OPCML: variants seen among roughly 807,000 people sequenced by gnomAD.
OPCML encodes the protein opioid-binding protein/cell adhesion molecule.
Under a neutral mutation model 37.8 loss-of-function variants are expected in OPCML, and 13 were observed. That is an observed-to-expected ratio of 0.34 (90% CI 0.22 to 0.55). OPCML has a LOEUF of 0.55. Among genes scored for constraint, OPCML ranks in the 20% least tolerant of loss-of-function variants. The probability of loss-of-function intolerance (pLI) is 0.91; values close to 1 mark genes in which losing one functional copy is unlikely to be tolerated. For synonymous variants in OPCML, 176 were observed against 168.8 expected (o/e 1.04, Z -0.33); for missense variants, 341 against 435.6 (o/e 0.78, Z 1.93).
At chr11:133,092,240 T>G (rs1460878915) in intron 1 of OPCML, among the ~76,000 whole-genome samples, 1 of 152,166 alleles carries the variant, frequency 6.6e-6, no homozygotes, top group Non-Finnish European at 1.5e-5. Context: ...CTTTGCAGCC[T>G]CCAGAATTGT....
chr11:133,319,524 C>CA (rs1474021862), intron 1 of OPCML, among the ~76,000 whole-genome samples: 134 of 152,314 alleles, frequency 8.8e-4, no homozygotes, highest in African/African-American at 3.1e-3. Context: ...AGGAAGAATA[C>CA]CCATAAATTA....
intron 2 of OPCML, among the ~76,000 whole-genome samples, chr11:132,881,179 G>A (rs1001423184): frequency 3.3e-5 from 5 of 152,198 alleles, no homozygotes; most frequent in Non-Finnish European, 7.3e-5. Flanking sequence ...ATTTAGGAGA[G>A]GATGAGATCT....
At chr11:132,873,529 A>G (rs890797760) in intron 2 of OPCML, among the ~76,000 whole-genome samples, 6 of 152,132 alleles carry the variant, frequency 3.9e-5, no homozygotes, top group South Asian at 4.1e-4. Context: ...GAGGCACCCA[A>G]TGGGTGCTAG....
intron 1 of OPCML, among the ~76,000 whole-genome samples, chr11:133,157,458 GCT>G (rs1950078840): frequency 6.6e-6 from 1 of 152,090 alleles, no homozygotes; most frequent in African/African-American, 2.4e-5. Context: ...CCCATTTTGG[GCT>G]CTCTCTTCAT....
intron 2 of OPCML, among the ~76,000 whole-genome samples, chr11:132,857,380 C>T (rs1471319721): frequency 6.6e-6 from 1 of 152,098 alleles, no homozygotes; most frequent in African/African-American, 2.4e-5. Flanking sequence ...AAAGAAAAAA[C>T]TAGTACATTT....
chr11:132,991,209 T>C (rs1052709901), intron 1 of OPCML, among the ~76,000 whole-genome samples: 1 of 152,212 alleles, frequency 6.6e-6, no homozygotes, highest in Non-Finnish European at 1.5e-5. Context: ...CTAGAAAATC[T>C]TTTGACTGTC....
intron 1 of OPCML, among the ~76,000 whole-genome samples, chr11:132,959,718 A>G (rs1413576967): frequency 6.6e-6 from 1 of 152,208 alleles, no homozygotes; most frequent in Non-Finnish European, 1.5e-5. Context: ...ACTACTATAC[A>G]CAGGCTCAGA....
chr11:132,799,570 G>T (rs1239167142), intron 2 of OPCML, among the ~76,000 whole-genome samples: 2 of 152,088 alleles, frequency 1.3e-5, no homozygotes, highest in Non-Finnish European at 2.9e-5. Flanking sequence ...AAAGATCACT[G>T]ATTACAGATC....
intron 2 of OPCML, among the ~76,000 whole-genome samples, chr11:132,828,896 A>G (rs1387285532): frequency 6.6e-6 from 1 of 152,216 alleles, no homozygotes; most frequent in Non-Finnish European, 1.5e-5. Flanking sequence ...ACACTGTGGC[A>G]GATGTTGAAG....
intron 1 of OPCML, among the ~76,000 whole-genome samples, chr11:133,376,347 A>AG (rs1224974843): frequency 1.3e-5 from 2 of 152,348 alleles, no homozygotes; most frequent in East Asian, 3.9e-4. Flanking sequence ...ATTCTAAGCA[A>AG]ATACCCAATG....
intron 1 of OPCML, among the ~76,000 whole-genome samples, chr11:133,357,432 T>G (rs1258074439): frequency 1.3e-5 from 2 of 152,226 alleles, no homozygotes; most frequent in Non-Finnish European, 2.9e-5. Flanking sequence ...TACAGCTCTG[T>G]AAAAAGGGCA....
At chr11:133,026,204 A>AG (rs1237833046) in intron 1 of OPCML, 11 of 701,944 alleles carry the variant, frequency 1.6e-5, no homozygotes, top group Non-Finnish European at 1.9e-5. Context: ...TAATCTGTAA[A>AG]GCTTTCGAGC....
At position 132,951,818 on chromosome 11, in the gene OPCML, TGAA is replaced by T. The variant is rs1480360231; in HGVS notation, c.62-8811_62-8809del. Among the ~76,000 whole-genome samples, 22 of 152,306 alleles carry T rather than the reference TGAA, an allele frequency of 1.4e-4. 1 individual carries two copies. The highest frequency in any genetic ancestry group is 3.4e-3 in the Middle Eastern group (1 of 294). On this transcript the variant is annotated intron_variant, in intron 1 of 7. Transcript: ENST00000524381. ...AACAGGACAGGTTTTTCTCTGAGTT[TGAA>T]GAAGAGGCCACTTTAGAATTAGAAG...
intron 2 of OPCML, among the ~76,000 whole-genome samples, chr11:132,908,352 G>A (rs779112452): frequency 1.3e-5 from 2 of 152,140 alleles, no homozygotes; most frequent in Admixed American, 6.5e-5. Context: ...GAGGTCAGAA[G>A]ACCCACATTT....
chr11:133,446,070 C>A (rs1164443632), intron 1 of OPCML, among the ~76,000 whole-genome samples: 1 of 152,174 alleles, frequency 6.6e-6, no homozygotes, highest in Non-Finnish European at 1.5e-5. Context: ...GAAGTATGTT[C>A]TGCTCATTCT....
In OPCML at chr11:133,140,991, AGAAGAAGACGACGACGAC is replaced by A. The variant is rs1171048115; in HGVS notation, c.62-197999_62-197982del. ...AAGAAGAAGAAGAAGAAGAAGAAGA[AGAAGAAGACGACGACGAC>A]GACGACGACGACGACGACGACGACG... On this transcript the variant is annotated intron_variant, in intron 1 of 7. Coordinates refer to ENST00000524381, the MANE Select transcript of OPCML (RefSeq NM_001012393.5). Among the ~76,000 whole-genome samples, 8 of 4,290 alleles carry A rather than the reference AGAAGAAGACGACGACGAC, an allele frequency of 1.9e-3. 4 individuals carry two copies. The highest frequency in any genetic ancestry group is 3.3e-3 in the African/African-American group (8 of 2,434). The allele number at this position is 4,290 out of a possible 152,430, so 2.8% of individuals were successfully genotyped here.
chr11:133,079,368 G>T (rs1309287307), intron 1 of OPCML, among the ~76,000 whole-genome samples: 2 of 152,230 alleles, frequency 1.3e-5, no homozygotes, highest in South Asian at 4.2e-4. Flanking sequence ...GTCACAGGGG[G>T]ACCCACATTT....
At chr11:133,293,638 G>A (rs562906380) in intron 1 of OPCML, among the ~76,000 whole-genome samples, 136 of 152,026 alleles carry the variant, frequency 8.9e-4, no homozygotes, top group Non-Finnish European at 1.7e-3. Context: ...GCCCACACAT[G>A]GTCACCTTCA....
chr11:132,547,788 A>G (rs2096372162), intron 3 of OPCML, among the ~76,000 whole-genome samples: 1 of 152,132 alleles, frequency 6.6e-6, no homozygotes, highest in Admixed American at 6.5e-5. Flanking sequence ...GCCACTTGCC[A>G]TCTCTCTGAA....
Sources: allele counts gnomAD v4.1 joint callset (sites outside exome capture counted in the v4.1 genomes callset), GRCh38; gene constraint gnomAD v4.1.1; transcripts MANE v1.5; gene names NCBI Gene and HGNC (gene_info 2026-07-23, HGNC 2026-07-21).